The following CHD4 variants were observed in gnomAD, a reference collection of about 807,000 sequenced individuals.
CHD4 encodes ATP-dependent chromatin remodeler CHD4.
Under a neutral mutation model 235.5 loss-of-function variants are expected in CHD4, and 35 were observed. That is an observed-to-expected ratio of 0.15 (90% CI 0.11 to 0.20). The LOEUF (loss-of-function observed/expected upper bound fraction) is 0.20, where lower values mean the gene tolerates loss of function less well. CHD4 is among the 10% of genes least tolerant of loss of function. CHD4 has a pLI of 1.00. For missense variants in CHD4, 1,329 were observed against 2,432.3 expected (o/e 0.55, Z 9.54); for synonymous variants, 900 against 850.2 (o/e 1.06, Z -1.02).
intron 37 of CHD4, among the ~76,000 whole-genome samples, chr12:6,576,048 A>G (rs1592259051): frequency 6.6e-6 from 1 of 150,822 alleles, no homozygotes; most frequent in African/African-American, 2.4e-5. Flanking sequence ...CCTCTCGAGA[A>G]CTTTTTTTTT....
rs777629852 is a variant in CHD4, at chr12:6,570,852, GAAGAAAATGGTCCTAC to G, written c.5721+1_5721+16del. On this transcript the variant is annotated splice_donor_variant and splice_donor_5th_base_variant and intron_variant, in intron 39 of 39. Coordinates refer to ENST00000544040, the MANE Select transcript of CHD4 (RefSeq NM_001273.5). LOFTEE classifies it high-confidence loss of function. ...GTTCTGCAGGAAGAGGTGGTGTCAA[GAAGAAAATGGTCCTAC>G]CTGCTGTGGGGTAGGTTCGGGTGCC... 6.2e-7 allele frequency: 1 copy of G among 1,613,932 alleles called. No homozygotes were observed. The highest frequency in any genetic ancestry group is 8.5e-7 in the Non-Finnish European group (1 of 1,179,832).
Position 6,581,103 on chromosome 12 carries a change from T to C in CHD4, c.4850A>G (p.Lys1617Arg), listed in dbSNP as rs1238781984. Residue 1617 changes from lysine (K) to arginine (R), a missense_variant, in exon 33 of 40, where the codon AAA becomes AGA. Around this residue, in one of 26 missense-constraint regions of CHD4, gnomAD observed 219 missense variants for 219.3 expected, o/e 1.00. Transcript: ENST00000544040. ...CTCCTTCACCTCTGCCTTTTCCACTTTCTCCTCTCCCTCAGGGGGTTCAAC... is the reference window on the plus strand; with the variant it reads ...CTCCTTCACCTCTGCCTTTTCCACTCTCTCCTCTCCCTCAGGGGGTTCAAC... ...VVVEPPEGEE[K>R]VEKAEVKERT... 1 of 1,614,200 alleles carries C rather than the reference T, an allele frequency of 6.2e-7. No homozygotes were observed. Among genetic ancestry groups the C allele is most frequent in the East Asian group, 2.2e-5 (1 of 44,884 alleles).
At chr12:6,576,358 G>GA (rs1948070822) in intron 37 of CHD4, among the ~76,000 whole-genome samples, 1 of 151,944 alleles carries the variant, frequency 6.6e-6, no homozygotes, top group African/African-American at 2.4e-5. Context: ...ACTGTCTCAG[G>GA]AAAAAACAAA....
intron 38 of CHD4, among the ~76,000 whole-genome samples, chr12:6,572,572 T>C (rs749856778): frequency 5.9e-5 from 9 of 152,144 alleles, no homozygotes; most frequent in Non-Finnish European, 1.3e-4. Context: ...CTCTTTTTTT[T>C]CTGGAGTCTC....
chr12:6,576,274 T>C (rs1034339057), intron 37 of CHD4, among the ~76,000 whole-genome samples: 1 of 152,128 alleles, frequency 6.6e-6, no homozygotes, highest in African/African-American at 2.4e-5. Flanking sequence ...GGAAAATCGC[T>C]TGAACCCGGG....
At chr12:6,586,325 C>G (rs1386731298) in intron 25 of CHD4, among the ~76,000 whole-genome samples, 1 of 151,952 alleles carries the variant, frequency 6.6e-6, no homozygotes, top group African/African-American at 2.4e-5. Flanking sequence ...GGCATGAACC[C>G]GGGAGGCAGA....
chr12:6,602,693 T>C (rs977627770), intron 2 of CHD4, among the ~76,000 whole-genome samples, 196 bp from the exon 3 acceptor site: 4 of 152,262 alleles, frequency 2.6e-5, no homozygotes, highest in Non-Finnish European at 4.4e-5. Context: ...ATACCCGAAA[T>C]AGGCCTGCCA....
chr12:6,590,472 T>C (rs1165505068), intron 22 of CHD4, among the ~76,000 whole-genome samples: 5 of 152,230 alleles, frequency 3.3e-5, no homozygotes, highest in African/African-American at 9.6e-5. Context: ...TCTGCTGTTT[T>C]GCAACTTTTT....
intron 25 of CHD4, chr12:6,584,454 G>A (rs1948247047): frequency 6.6e-6 from 1 of 152,142 alleles, no homozygotes; most frequent in South Asian, 2.1e-4. Context: ...GGCTGGAGTA[G>A]AGTGGCGTCA....
intron 35 of CHD4, 34 bp downstream of exon 35, chr12:6,578,375 C>T: frequency 6.2e-7 from 1 of 1,600,390 alleles, no homozygotes; most frequent in South Asian, 1.1e-5. Context: ...CACATCAGAT[C>T]CTTCTAACCC....
chr12:6,571,165 A>AC, intron 38 of CHD4, 133 bp from the exon 39 acceptor site: 3 of 1,041,862 alleles, frequency 2.9e-6, no homozygotes, highest in Non-Finnish European at 4.2e-6. Context: ...ATCTGACCTG[A>AC]CCTCCACCAT....
intron 33 of CHD4, 22 bp from the exon 34 acceptor site, chr12:6,578,939 A>C: frequency 7.5e-6 from 12 of 1,605,186 alleles, no homozygotes; most frequent in Non-Finnish European, 1.0e-5. Flanking sequence ...AATGTTATTG[A>C]GACTATACCT....
At chr12:6,587,633 ACC>A (rs2136208934) in intron 24 of CHD4, 74 bp from the exon 25 acceptor site, 2 of 1,605,812 alleles carry the variant, frequency 1.2e-6, no homozygotes, top group Non-Finnish European at 1.7e-6. Context: ...GTCCCACAAG[ACC>A]CTTGGTATCA....
intron 25 of CHD4, among the ~76,000 whole-genome samples, chr12:6,585,540 C>T (rs962227921): frequency 2.6e-5 from 4 of 152,000 alleles, no homozygotes; most frequent in African/African-American, 7.2e-5. Flanking sequence ...CCTTGGCCTC[C>T]CAAAGTGCTG....
At position 6,581,702 on chromosome 12, in the gene CHD4, G is replaced by A. The variant is rs1016423925; in HGVS notation, c.4628C>T (p.Pro1543Leu). 3 of 1,608,428 alleles carry A rather than the reference G, an allele frequency of 1.9e-6. No individual in the cohort carries two copies. The highest frequency in any genetic ancestry group is 1.3e-5 in the African/African-American group (1 of 74,924). Reference sequence around the variant, plus strand: ...GGGCTGCGTGTCCCCTGGAGTGGAGGGTGTAGGAGTTTTTGGGGAGGGTGA... The same window carrying A: ...GGGCTGCGTGTCCCCTGGAGTGGAGAGTGTAGGAGTTTTTGGGGAGGGTGA... ...PGSPSPKTPT[P>L]STPGDTQPNT... Residue 1543 changes from proline to leucine, a missense_variant, in exon 31 of 40, where the codon CCC becomes CTC. Pro to Leu is a moderately conservative substitution (Grantham distance 98). Around this residue, in one of 26 missense-constraint regions of CHD4, gnomAD observed 219 missense variants for 219.3 expected, o/e 1.00. Coordinates refer to ENST00000544040, the MANE Select transcript of CHD4 (RefSeq NM_001273.5).
intron 10 of CHD4, among the ~76,000 whole-genome samples, 171 bp from the exon 11 acceptor site, chr12:6,598,596 G>C (rs1003092683): frequency 6.6e-6 from 1 of 152,198 alleles, no homozygotes; most frequent in African/African-American, 2.4e-5. Flanking sequence ...AGATCACGAG[G>C]TCAAGAGATC....
intron 37 of CHD4, among the ~76,000 whole-genome samples, chr12:6,575,666 T>G (rs1464811153): frequency 1.3e-5 from 2 of 152,076 alleles, no homozygotes; most frequent in East Asian, 1.9e-4. Flanking sequence ...GAATGCTGTT[T>G]CCATTTCCCT....
intron 1 of CHD4, 136 bp from the exon 2 acceptor site, chr12:6,606,587 T>G: frequency 2.7e-5 from 12 of 449,084 alleles, no homozygotes; most frequent in Middle Eastern, 5.7e-4. Context: ...CTGAACTTAG[T>G]TCCACACTCC....
At chr12:6,591,307 C>G (rs985340764) in intron 22 of CHD4, 159 bp downstream of exon 22, 2 of 618,764 alleles carry the variant, frequency 3.2e-6, no homozygotes, top group Admixed American at 6.1e-5. Flanking sequence ...TAGGAATAGT[C>G]CAATACATTC....
Sources: gnomAD v4.1 joint callset for allele counts (sites outside exome capture counted in the v4.1 genomes callset) on GRCh38, gnomAD v4.1.1 for gene constraint, gnomAD v4.1.1 regional missense constraint, MANE v1.5 for transcripts, NCBI Gene and HGNC (gene_info 2026-07-23, HGNC 2026-07-21) for gene names.